Variants in GRK7 observed in about 807,000 individuals in gnomAD.
GRK7 encodes the protein G protein-coupled receptor kinase 7, also known as rhodopsin kinase GRK7.
Under a neutral mutation model 34.1 loss-of-function variants are expected in GRK7, and 24 were observed. The observed-to-expected ratio is 0.70, with a 90% CI of 0.51 to 0.99. The LOEUF (loss-of-function observed/expected upper bound fraction) is 0.99, where lower values mean the gene tolerates loss of function less well. Among genes scored for constraint, GRK7 ranks in the 50% least tolerant of loss-of-function variants. GRK7 has a pLI of 0.00. For missense variants in GRK7, 644 were observed against 707.3 expected (o/e 0.91, Z 1.02); for synonymous variants, 256 against 279.4 (o/e 0.92, Z 0.84).
intron 5 of GRK7, among the ~76,000 whole-genome samples, chr3:141,810,715 C>G (rs1452429962): frequency 1.3e-5 from 2 of 151,978 alleles, no homozygotes; most frequent in African/African-American, 4.8e-5. Context: ...CGGGGTTTCA[C>G]CATGTTGGCC....
At chr3:141,812,586 G>C (rs527905842) in intron 5 of GRK7, among the ~76,000 whole-genome samples, 2 of 152,266 alleles carry the variant, frequency 1.3e-5, no homozygotes, top group Admixed American at 1.3e-4. Context: ...TGCCCTCCAG[G>C]GGCATCTAGT....
At chr3:141,789,663 A>AAAAAAACAAAAAAAAAAAAC (rs2084714187) in intron 4 of GRK7, among the ~76,000 whole-genome samples, 1 of 146,770 alleles carries the variant, frequency 6.8e-6, no homozygotes, top group African/African-American at 2.6e-5. Context: ...GGGCAAAAAA[A>AAAAAAACAAAAAAAAAAAAC]AAAAAAACAC....
chr3:141,813,420 C>G (rs1044860180), intron 5 of GRK7, among the ~76,000 whole-genome samples: 10 of 152,200 alleles, frequency 6.6e-5, no homozygotes, highest in African/African-American at 2.4e-4. Context: ...AGCCATGGTG[C>G]CCGGCCTAAA....
chr3:141,772,442 T>C (rs2084621131), intron 1 of GRK7, among the ~76,000 whole-genome samples: 1 of 152,346 alleles, frequency 6.6e-6, no homozygotes, highest in East Asian at 1.9e-4. Flanking sequence ...GAACTTACAC[T>C]GCTCAAAATA....
At chr3:141,815,226 GT>G (rs758074179) in intron 5 of GRK7, among the ~76,000 whole-genome samples, 29 of 104,326 alleles carry the variant, frequency 2.8e-4, no homozygotes, top group African/African-American at 1.0e-3. Context: ...TGTCTGGTTG[GT>G]TTTTTTTGTT....
At chr3:141,803,931 C>CGT (rs58994755) in intron 4 of GRK7, among the ~76,000 whole-genome samples, 2 of 151,806 alleles carry the variant, frequency 1.3e-5, no homozygotes, top group Non-Finnish European at 2.9e-5. Flanking sequence ...AGGCTGGTCT[C>CGT]AACTCCTGAT....
intron 1 of GRK7, among the ~76,000 whole-genome samples, chr3:141,772,001 A>AAAC (rs375179963): frequency 3.9e-5 from 6 of 152,018 alleles, no homozygotes; most frequent in African/African-American, 9.7e-5. Context: ...ATCTATTTTT[A>AAAC]AACAACAACA....
At chr3:141,752,462 C>T in the GRK7 span, among the ~76,000 whole-genome samples, 1 of 152,054 alleles carries the variant, frequency 6.6e-6, no homozygotes, top group Non-Finnish European at 1.5e-5. Flanking sequence ...AACTGTCAGG[C>T]CCCAAAATGT....
At chr3:141,770,379 A>G (rs564602016) in intron 1 of GRK7, among the ~76,000 whole-genome samples, 294 of 152,322 alleles carry the variant, frequency 1.9e-3, no homozygotes, top group Middle Eastern at 6.8e-3. Flanking sequence ...CTGTACATGA[A>G]GGAAACAGAC....
At position 141,780,480 on chromosome 3, in the gene GRK7, A is replaced by T. The variant is rs1291288066; in HGVS notation, c.719A>T (p.Lys240Met). 3 of 1,614,242 alleles carry T rather than the reference A, an allele frequency of 1.9e-6. No individual in the cohort carries two copies. Among genetic ancestry groups the T allele is most frequent in the Non-Finnish European group, 2.5e-6 (3 of 1,180,040 alleles). The change falls in exon 4 of 6, where the codon AAG (lysine) becomes ATG (methionine). Residue 240 changes from lysine to methionine, a missense_variant. Coordinates refer to ENST00000682958, the MANE Select transcript of GRK7 (RefSeq NM_139209.3). ...KGGEKMALLE[K>M]EILEKVSSPF... Reference sequence around the variant, plus strand: ...GGCGAGAAGATGGCTCTCTTGGAAAAGGAAATCTTGGAGAAGGTCAGCAGC... The same window carrying T: ...GGCGAGAAGATGGCTCTCTTGGAAATGGAAATCTTGGAGAAGGTCAGCAGC...
At chr3:141,813,003 A>G (rs1430631755) in intron 5 of GRK7, among the ~76,000 whole-genome samples, 1 of 152,086 alleles carries the variant, frequency 6.6e-6, no homozygotes, top group Non-Finnish European at 1.5e-5. Flanking sequence ...ATTTATTTGG[A>G]TGGCATTCTA....
intron 1 of GRK7, among the ~76,000 whole-genome samples, chr3:141,772,442 T>G (rs2084621131): frequency 6.6e-6 from 1 of 152,228 alleles, no homozygotes; most frequent in Non-Finnish European, 1.5e-5. Flanking sequence ...GAACTTACAC[T>G]GCTCAAAATA....
intron 4 of GRK7, among the ~76,000 whole-genome samples, chr3:141,781,430 G>A (rs1439389842): frequency 1.3e-5 from 2 of 151,726 alleles, no homozygotes; most frequent in Non-Finnish European, 2.9e-5. Context: ...CCAGCTACTC[G>A]GGAGGTTGAG....
Position 141,780,765 on chromosome 3 carries a change from T to A in GRK7, c.1004T>A (p.Leu335Gln). 6.2e-7 allele frequency: 1 copy of A among 1,614,176 alleles called. No homozygotes were observed. Among genetic ancestry groups the A allele is most frequent in the Non-Finnish European group, 8.5e-7 (1 of 1,180,028 alleles). ...CTCGGCAACTGCAGGTTATCTGACC[T>A]GGGGCTGGCCGTGGAGATGAAGGGT... ...DDLGNCRLSD[L>Q]GLAVEMKGGK... The change falls in exon 4 of 6, where the codon CTG becomes CAG. Residue 335 changes from leucine (L) to glutamine (Q), a missense_variant. Physicochemically the swap from Leu to Gln is moderately radical, Grantham distance 113. Coordinates refer to ENST00000682958, the MANE Select transcript of GRK7 (RefSeq NM_139209.3).
chr3:141,770,360 A>G (rs946503265), intron 1 of GRK7, among the ~76,000 whole-genome samples: 1 of 152,252 alleles, frequency 6.6e-6, no homozygotes, highest in Non-Finnish European at 1.5e-5. Flanking sequence ...TACCTAATCT[A>G]AACTATGACT....
intron 4 of GRK7, among the ~76,000 whole-genome samples, chr3:141,804,627 ACACACACT>A (rs1415504920): frequency 1.3e-5 from 2 of 150,886 alleles, no homozygotes; most frequent in African/African-American, 4.9e-5. Context: ...GCTCATACAT[ACACACACT>A]CACACACATG....
chr3:141,808,863 A>G (rs925931374), intron 5 of GRK7, among the ~76,000 whole-genome samples: 20 of 152,278 alleles, frequency 1.3e-4, no homozygotes, highest in African/African-American at 4.6e-4. Context: ...GAATGTACTT[A>G]ACACTGTTAC....
At chr3:141,814,546 G>A (rs1260307813) in intron 5 of GRK7, among the ~76,000 whole-genome samples, 1 of 152,148 alleles carries the variant, frequency 6.6e-6, no homozygotes, top group Non-Finnish European at 1.5e-5. Flanking sequence ...TTGCTGCAAA[G>A]AACATGATTT....
chr3:141,815,188 G>A (rs1339568340), intron 5 of GRK7, among the ~76,000 whole-genome samples: 1 of 151,974 alleles, frequency 6.6e-6, no homozygotes, highest in African/African-American at 2.4e-5. Context: ...GCCTCTCAAA[G>A]TGCTAGGATT....
Sources: gnomAD v4.1 joint callset for allele counts (sites outside exome capture counted in the v4.1 genomes callset) on GRCh38, gnomAD v4.1.1 for gene constraint, MANE v1.5 for transcripts, NCBI Gene and HGNC (gene_info 2026-07-23, HGNC 2026-07-21) for gene names.